The following LEF1 variants were observed in gnomAD, a reference collection of about 807,000 sequenced individuals.
LEF1 encodes lymphoid enhancer binding factor 1.
In LEF1, 14 loss-of-function variants were observed where a neutral mutation model predicts 51.2. The observed-to-expected ratio is 0.27, with a 90% CI of 0.18 to 0.43. The LOEUF (loss-of-function observed/expected upper bound fraction) is 0.43. LEF1 is among the 20% of genes least tolerant of loss of function. The pLI, the probability that LEF1 is intolerant of heterozygous loss-of-function variation, is 1.00. For missense variants in LEF1, 386 were observed against 512.0 expected (o/e 0.75, Z 2.37); for synonymous variants, 185 against 183.2 (o/e 1.01, Z -0.08).
intron 3 of LEF1, among the ~76,000 whole-genome samples, chr4:108,099,433 G>A (rs1740600382): frequency 1.3e-5 from 2 of 150,628 alleles, no homozygotes; most frequent in South Asian, 4.2e-4. Context: ...AAGGTAAGTG[G>A]CAGAGCTGGT....
intron 11 of LEF1, among the ~76,000 whole-genome samples, chr4:108,061,310 GA>G (rs889574373): frequency 2.3e-4 from 35 of 152,262 alleles, no homozygotes; most frequent in Admixed American, 2.2e-3. Flanking sequence ...TAAGTGACAA[GA>G]AAGCACAATG....
rs193300542 is a variant in LEF1 at position 108,129,103 on chromosome 4, C to G, written c.414+34465G>C. 1.4e-4 allele frequency among the ~76,000 whole-genome samples: 22 copies of G among 152,318 alleles called. No homozygotes were observed. In the East Asian group the frequency reaches 4.1e-3, roughly 28 times the overall value. ...TCAGGACATCCCTTCTGCTTCTATTCTTCCTCAAACTCCTCTCATTACTGA... is the reference window on the plus strand; with the variant it reads ...TCAGGACATCCCTTCTGCTTCTATTGTTCCTCAAACTCCTCTCATTACTGA... On this transcript the variant is annotated intron_variant, in intron 3 of 11. Transcript: ENST00000265165.
intron 3 of LEF1, among the ~76,000 whole-genome samples, chr4:108,095,946 TC>T (rs1223945563): frequency 6.6e-6 from 1 of 152,118 alleles, no homozygotes. Flanking sequence ...AGTTGCAACA[TC>T]CTATTATTTG....
chr4:108,142,758 C>A (rs1743752673), intron 3 of LEF1, among the ~76,000 whole-genome samples: 1 of 152,112 alleles, frequency 6.6e-6, no homozygotes, highest in Non-Finnish European at 1.5e-5. Flanking sequence ...AAAATGTCTG[C>A]CCTAATCAAT....
At chr4:108,117,377 T>C (rs1741905170) in intron 3 of LEF1, among the ~76,000 whole-genome samples, 1 of 152,266 alleles carries the variant, frequency 6.6e-6, no homozygotes, top group Non-Finnish European at 1.5e-5. Flanking sequence ...ATTTACCACT[T>C]GTTAGCATCT....
intron 8 of LEF1, among the ~76,000 whole-genome samples, chr4:108,071,178 G>A (rs929137948): frequency 1.3e-5 from 2 of 152,142 alleles, no homozygotes; most frequent in Non-Finnish European, 2.9e-5. Context: ...TATGCAAAAC[G>A]TGATAATTTC....
Position 108,149,164 on chromosome 4 carries a change from TAAAC to T in LEF1, c.414+14400_414+14403del, listed in dbSNP as rs537261320. Among the ~76,000 whole-genome samples, 293 of 152,276 alleles carry T rather than the reference TAAAC, an allele frequency of 1.9e-3. 2 individuals are homozygous for T. Among genetic ancestry groups the T allele is most frequent in the African/African-American group, 6.6e-3 (275 of 41,564 alleles). ...GAAAGCTATGAACCAGCAAGTAACA[TAAAC>T]AAATAGATTGGCCGGGCGCGGTGGC... On this transcript the variant is annotated intron_variant, in intron 3 of 11. Transcript: ENST00000265165.
intron 4 of LEF1, among the ~76,000 whole-genome samples, chr4:108,087,586 G>A (rs1208761678): frequency 1.1e-4 from 17 of 152,126 alleles, no homozygotes; most frequent in Admixed American, 1.1e-3. Flanking sequence ...TTATTCTTGA[G>A]AGAAAAACTA....
chr4:108,120,543 T>C (rs1010456982), intron 3 of LEF1, among the ~76,000 whole-genome samples: 1 of 152,204 alleles, frequency 6.6e-6, no homozygotes, highest in African/African-American at 2.4e-5. Context: ...AGCAGTAATT[T>C]TTTAAAGGTC....
In LEF1 at chr4:108,059,758, G is replaced by A. The variant is rs993457464; in HGVS notation, c.*6+3865C>T. The stretch of plus-strand genomic sequence containing the variant: ...TGTTCTGTTGCTCAGGCTGTAGTGC[G>A]GTGGTATAATCTCAGCTCACTGCAG... On this transcript the variant is annotated intron_variant, in intron 11 of 11. Transcript: ENST00000265165. 4.0e-5 allele frequency among the ~76,000 whole-genome samples: 6 copies of A among 151,406 alleles called. No individual in the cohort carries two copies. The South Asian group carries it at 6.3e-4, about 16-fold the overall frequency.
chr4:108,084,794 C>T (rs149927199), intron 4 of LEF1, among the ~76,000 whole-genome samples: 1 of 152,062 alleles, frequency 6.6e-6, no homozygotes, highest in African/African-American at 2.4e-5. Context: ...AAATTTTTTA[C>T]CCTAGGATTT....
intron 7 of LEF1, 93 bp from the exon 8 acceptor site, chr4:108,078,475 C>T: frequency 6.6e-7 from 1 of 1,522,558 alleles, no homozygotes; most frequent in Non-Finnish European, 9.1e-7. Flanking sequence ...GCTCACATGG[C>T]TACACTCAGG....
chr4:108,120,920 T>C (rs1742139407), intron 3 of LEF1, among the ~76,000 whole-genome samples: 1 of 152,240 alleles, frequency 6.6e-6, no homozygotes, highest in African/African-American at 2.4e-5. Context: ...ATAGGCTCAT[T>C]TCACTTACTT....
intron 3 of LEF1, among the ~76,000 whole-genome samples, chr4:108,144,076 C>A (rs1200128481): frequency 6.6e-6 from 1 of 152,056 alleles, no homozygotes; most frequent in Non-Finnish European, 1.5e-5. Flanking sequence ...GGGAAGCAAG[C>A]CGGTTGAGGA....
chr4:108,124,999 T>C (rs1440064106), intron 3 of LEF1, among the ~76,000 whole-genome samples: 1 of 152,192 alleles, frequency 6.6e-6, no homozygotes, highest in African/African-American at 2.4e-5. Flanking sequence ...GCTAATCATA[T>C]AGAGTTTAGC....
intron 3 of LEF1, among the ~76,000 whole-genome samples, chr4:108,115,846 TACACACACACACAC>T (rs55839332): frequency 5.7e-5 from 8 of 139,376 alleles, no homozygotes; most frequent in East Asian, 2.2e-4. Context: ...ATGTAACACA[TACACACACACACAC>T]ACACACACAC....
chr4:108,150,973 AT>A (rs1744326316), intron 3 of LEF1, among the ~76,000 whole-genome samples: 1 of 152,188 alleles, frequency 6.6e-6, no homozygotes, highest in Non-Finnish European at 1.5e-5. Flanking sequence ...AAGTGAAGTG[AT>A]TTTGTGAGGC....
rs151184933 is a variant in LEF1 at position 108,064,724 on chromosome 4, T to TTC, written c.1117-342_1117-341dup. Among the ~76,000 whole-genome samples the TTC allele has an allele frequency of 4.5e-3, 663 of 145,882 alleles. 3 individuals carry two copies. The highest frequency in any genetic ancestry group is 0.014 in the Middle Eastern group (4 of 286). ...GTCTTAGAGCTGTGGCCATAGAGCC[T>TTC]TCTCTCTCTCTCTCTCTCACACATA... On this transcript the variant is annotated intron_variant, in intron 9 of 11. Transcript: ENST00000265165.
chr4:108,056,005 C>T (rs954967864), intron 11 of LEF1, among the ~76,000 whole-genome samples: 7 of 152,324 alleles, frequency 4.6e-5, no homozygotes, highest in Admixed American at 6.5e-5. Flanking sequence ...TCCAGCTCTC[C>T]TCTCCATTAT....
Sources: gnomAD v4.1 joint callset for allele counts (sites outside exome capture counted in the v4.1 genomes callset) on GRCh38, gnomAD v4.1.1 for gene constraint, MANE v1.5 for transcripts, NCBI Gene and HGNC (gene_info 2026-07-23, HGNC 2026-07-21) for gene names.